The following NRCAM variants were observed in gnomAD, a reference collection of about 807,000 sequenced individuals.
NRCAM encodes neuronal cell adhesion molecule.
In NRCAM, 83 loss-of-function variants were observed where a neutral mutation model predicts 156.5. The ratio of observed to expected loss-of-function variants is 0.53; its 90% confidence interval spans 0.44 to 0.64. The LOEUF (loss-of-function observed/expected upper bound fraction) is 0.64. Ranked by LOEUF, NRCAM falls within the 30% of genes least tolerant of loss-of-function variation. NRCAM has a pLI of 0.00. For synonymous variants in NRCAM, 538 were observed against 563.9 expected (o/e 0.95, Z 0.65); for missense variants, 1,417 against 1,597.3 (o/e 0.89, Z 1.92).
chr7:108,166,534 T>C (rs2054424556), intron 30 of NRCAM, among the ~76,000 whole-genome samples: 1 of 152,088 alleles, frequency 6.6e-6, no homozygotes, highest in Non-Finnish European at 1.5e-5. Context: ...AGGCGTGAGC[T>C]ACCGCGCCCG....
intron 3 of NRCAM, among the ~76,000 whole-genome samples, chr7:108,263,322 CTGA>C: frequency 6.6e-6 from 1 of 152,332 alleles, no homozygotes; most frequent in South Asian, 2.1e-4. Context: ...GAAATGAGAA[CTGA>C]TGTTCTTTCT....
At chr7:108,209,271 C>T (rs952405955) in intron 12 of NRCAM, 150 bp downstream of exon 12, 3 of 545,016 alleles carry the variant, frequency 5.5e-6, no homozygotes, top group Non-Finnish European at 9.3e-6. Flanking sequence ...TTTAGATGCA[C>T]TACCAATAGC....
At chr7:108,268,164 A>G (rs12667206) in intron 3 of NRCAM, among the ~76,000 whole-genome samples, 7,205 of 152,304 alleles carry the variant, frequency 0.047, 219 homozygotes, top group South Asian at 0.11. Context: ...ATTCTCTTCA[A>G]AAAAGTGCTT....
In NRCAM at chr7:108,270,735, T is replaced by C. The variant is rs141100714; in HGVS notation, c.-106-30565A>G. ...GCCTTAAAAAGGAAGAAAATTCTGA[T>C]ACTGAGGACATTACGCCAAGTGAAA... is the stretch of plus-strand genomic sequence containing the variant. On this transcript the variant is annotated intron_variant, in intron 3 of 32. Transcript: ENST00000379028. Among the ~76,000 whole-genome samples, 483 of 152,356 alleles carry C rather than the reference T, an allele frequency of 3.2e-3. 3 individuals are homozygous for C. The highest frequency in any genetic ancestry group is 0.011 in the African/African-American group (473 of 41,590).
chr7:108,363,746 C>T (rs770518680), intron 2 of NRCAM, among the ~76,000 whole-genome samples: 1 of 152,166 alleles, frequency 6.6e-6, no homozygotes, highest in Non-Finnish European at 1.5e-5. Context: ...GAAAATAGCA[C>T]TCTACCTCTG....
At chr7:108,160,736 C>A (rs2048427771) in intron 30 of NRCAM, among the ~76,000 whole-genome samples, 1 of 152,024 alleles carries the variant, frequency 6.6e-6, no homozygotes, top group South Asian at 2.1e-4. Context: ...GCTAAAAACC[C>A]CTGGTGAACA....
intron 1 of NRCAM, among the ~76,000 whole-genome samples, chr7:108,448,865 A>T (rs780510069): frequency 1.3e-5 from 2 of 152,232 alleles, no homozygotes; most frequent in Non-Finnish European, 2.9e-5. Context: ...GGACAGATGT[A>T]TCTTGTTGCA....
chr7:108,376,199 G>A (rs975474959), intron 2 of NRCAM, among the ~76,000 whole-genome samples: 6 of 152,150 alleles, frequency 3.9e-5, no homozygotes, highest in African/African-American at 1.2e-4. Flanking sequence ...ATCCCAGCTT[G>A]GTCAATTAAA....
intron 3 of NRCAM, among the ~76,000 whole-genome samples, chr7:108,288,945 A>C (rs2098195613): frequency 1.3e-5 from 2 of 151,958 alleles, no homozygotes; most frequent in Admixed American, 6.6e-5. Flanking sequence ...TGGCTTTTCT[A>C]TATTTTTATT....
intron 2 of NRCAM, among the ~76,000 whole-genome samples, chr7:108,356,051 C>T (rs2099493482): frequency 6.6e-6 from 1 of 151,838 alleles, no homozygotes; most frequent in Non-Finnish European, 1.5e-5. Flanking sequence ...CAGGTTCAAG[C>T]GATTCTTCTG....
At chr7:108,326,329 A>C (rs1336284154) in intron 2 of NRCAM, among the ~76,000 whole-genome samples, 1 of 152,226 alleles carries the variant, frequency 6.6e-6, no homozygotes, top group Non-Finnish European at 1.5e-5. Flanking sequence ...CATTTTGAAT[A>C]CTGAGGAAAG....
intron 3 of NRCAM, among the ~76,000 whole-genome samples, chr7:108,305,553 G>A (rs1448628082): frequency 1.3e-5 from 2 of 152,216 alleles, no homozygotes; most frequent in East Asian, 1.9e-4. Flanking sequence ...CTTCTTCTCC[G>A]TGTTGGACTG....
At chr7:108,254,953 G>A (rs1056353696) in intron 3 of NRCAM, among the ~76,000 whole-genome samples, 5 of 152,024 alleles carry the variant, frequency 3.3e-5, no homozygotes, top group Non-Finnish European at 7.3e-5. Context: ...AGACTTGTAC[G>A]CAAATGTATA....
intron 14 of NRCAM, 129 bp from the exon 15 acceptor site, chr7:108,196,001 G>T: frequency 1.5e-6 from 1 of 673,772 alleles, no homozygotes; most frequent in South Asian, 1.8e-5. Context: ...CTCTCCTTAT[G>T]TTCTCTATCA....
intron 2 of NRCAM, among the ~76,000 whole-genome samples, chr7:108,397,656 G>A (rs1481109717): frequency 6.6e-6 from 1 of 152,162 alleles, no homozygotes; most frequent in Non-Finnish European, 1.5e-5. Flanking sequence ...CAATGAAAGT[G>A]AGAATTTGAC....
chr7:108,355,761 C>T (rs2099490137), intron 2 of NRCAM, among the ~76,000 whole-genome samples: 1 of 152,138 alleles, frequency 6.6e-6, no homozygotes, highest in Admixed American at 6.6e-5. Context: ...CATCATGACT[C>T]CATGATCCAA....
intron 13 of NRCAM, among the ~76,000 whole-genome samples, chr7:108,203,737 G>A (rs1371544176): frequency 4.6e-5 from 7 of 152,148 alleles, no homozygotes; most frequent in Non-Finnish European, 7.4e-5. Flanking sequence ...CAGGCACCTG[G>A]AGGGGACACT....
chr7:108,322,474 T>C (rs926198775), intron 2 of NRCAM, among the ~76,000 whole-genome samples: 6 of 152,368 alleles, frequency 3.9e-5, no homozygotes, highest in African/African-American at 9.6e-5. Flanking sequence ...GAGGACTTTG[T>C]CTCTAGTTCT....
intron 7 of NRCAM, among the ~76,000 whole-genome samples, chr7:108,231,421 GACAA>G (rs1436825104): frequency 6.6e-6 from 1 of 152,228 alleles, no homozygotes; most frequent in Non-Finnish European, 1.5e-5. Flanking sequence ...TCATCAGGAA[GACAA>G]ACAGTTTTGA....
Sources: gnomAD v4.1 joint callset for allele counts (sites outside exome capture counted in the v4.1 genomes callset) on GRCh38, gnomAD v4.1.1 for gene constraint, MANE v1.5 for transcripts, NCBI Gene and HGNC (gene_info 2026-07-23, HGNC 2026-07-21) for gene names.